The following ZGRF1 variants were observed in gnomAD, a reference collection of about 807,000 sequenced individuals.
ZGRF1 encodes 5'-3' DNA helicase ZGRF1.
Under a neutral mutation model 203.5 loss-of-function variants are expected in ZGRF1, and 196 were observed. The observed-to-expected ratio is 0.96, with a 90% CI of 0.86 to 1.08. The LOEUF (loss-of-function observed/expected upper bound fraction) is 1.08, where lower values mean the gene tolerates loss of function less well. Among genes scored for constraint, ZGRF1 ranks in the 50% least tolerant of loss-of-function variants. The pLI is 0.00. For missense variants in ZGRF1, 2,326 were observed against 2,416.3 expected, an observed-to-expected ratio of 0.96 and a Z score of 0.78; for synonymous variants, 809 against 841.3, an observed-to-expected ratio of 0.96 and a Z score of 0.66.
In ZGRF1 at chr4:112,618,332, T is replaced by C. The variant is rs763782672; in HGVS notation, c.1710A>G (p.Ser570=). The change falls in exon 6 of 28, where the codon TCA becomes TCG. Residue 570 remains serine, a synonymous_variant. Coordinates refer to ENST00000505019, the MANE Select transcript of ZGRF1 (RefSeq NM_018392.5). ...VKDILVNDGN[S]CFQKRSENTN... is the part of the protein sequence containing the mutation. Reference sequence around the variant, plus strand: ...TATTCTCAGACCTCTTTTGAAAACATGAATTGCCATCATTAACCAAAATGT... The same window carrying C: ...TATTCTCAGACCTCTTTTGAAAACACGAATTGCCATCATTAACCAAAATGT... 4 of 1,613,898 alleles carry C rather than the reference T, an allele frequency of 2.5e-6. No individual in the cohort carries two copies. In the South Asian group the frequency reaches 3.3e-5, roughly 13 times the overall value.
rs2046978476 is a variant in ZGRF1 at position 112,619,015 on chromosome 4, C to T, written c.1027G>A (p.Val343Ile). 6.2e-7 allele frequency: 1 copy of T among 1,613,912 alleles called. No homozygotes were observed. The highest frequency in any genetic ancestry group is 1.3e-5 in the African/African-American group (1 of 75,036). Residue 343 changes from valine to isoleucine, a missense_variant, in exon 6 of 28, where the codon GTA becomes ATA. By Grantham distance (29) the Val-to-Ile change is conservative. Coordinates refer to ENST00000505019, the MANE Select transcript of ZGRF1 (RefSeq NM_018392.5). ...SQSSPIHSSTVDGNDTERKPK... is the reference protein window; with the variant it reads ...SQSSPIHSSTIDGNDTERKPK... The stretch of plus-strand genomic sequence containing the variant: ...TTCCTTTCTGTATCATTCCCATCTA[C>T]AGTAGAAGAATGTATAGGTGAACTC...
chr4:112,601,272 G>A (rs1021683612), intron 10 of ZGRF1, among the ~76,000 whole-genome samples: 2 of 151,890 alleles, frequency 1.3e-5, no homozygotes, highest in African/African-American at 2.4e-5. Context: ...CTGGGCAGCC[G>A]GGAGTAGTGG....
At chr4:112,550,427 GAATC>G (rs1210693290) in intron 22 of ZGRF1, among the ~76,000 whole-genome samples, 1 of 151,708 alleles carries the variant, frequency 6.6e-6, no homozygotes, top group Admixed American at 6.6e-5. Flanking sequence ...TATTACAAAA[GAATC>G]AAACAGTTTT....
intron 16 of ZGRF1, among the ~76,000 whole-genome samples, chr4:112,580,879 A>C (rs919223459): frequency 3.2e-4 from 49 of 152,288 alleles, no homozygotes; most frequent in African/African-American, 1.2e-3. Flanking sequence ...GTGATTCCTC[A>C]GGGATCTAGA....
At position 112,612,542 on chromosome 4, in the gene ZGRF1, C is replaced by T; in HGVS notation, c.2649G>A (p.Leu883=). Residue 883 remains leucine, a synonymous_variant, in exon 7 of 28, where the codon CTG becomes CTA. Coordinates refer to ENST00000505019, the MANE Select transcript of ZGRF1 (RefSeq NM_018392.5). ...CCTGTACCTGTTGAGAATCCTTGTG[C>T]AGATGAGGAGACTTTGGTGAAACTA... The part of the protein sequence containing the change: ...ITVVSPKSPH[L]HKDSQQILKE... 1.2e-6 allele frequency: 2 copies of T among 1,605,950 alleles called. No homozygotes were observed. The highest frequency in any genetic ancestry group is 1.7e-5 in the Admixed American group (1 of 59,710).
intron 4 of ZGRF1, among the ~76,000 whole-genome samples, chr4:112,621,979 C>T (rs1439934068): frequency 2.6e-5 from 4 of 151,358 alleles, no homozygotes; most frequent in African/African-American, 9.7e-5. Flanking sequence ...CCGCCTGCCT[C>T]GGCCTCCCAA....
intron 16 of ZGRF1, among the ~76,000 whole-genome samples, chr4:112,578,664 C>A (rs1225475975): frequency 1.6e-5 from 2 of 122,856 alleles, no homozygotes; most frequent in African/African-American, 2.8e-5. Flanking sequence ...TAAACTAGAA[C>A]ATCTAGAAGA....
At chr4:112,623,219 G>C (rs1004100401) in intron 4 of ZGRF1, among the ~76,000 whole-genome samples, 1 of 152,058 alleles carries the variant, frequency 6.6e-6, no homozygotes, top group Admixed American at 6.6e-5. Flanking sequence ...AATATTTCAT[G>C]GTGTATTTCT....
chr4:112,574,602 T>C (rs1409662329), intron 16 of ZGRF1, among the ~76,000 whole-genome samples: 4 of 152,226 alleles, frequency 2.6e-5, no homozygotes, highest in Admixed American at 2.6e-4. Context: ...CACAGATGCT[T>C]ATTGTATTAT....
At chr4:112,547,174 A>C in intron 24 of ZGRF1, 111 bp downstream of exon 24, 1 of 1,105,800 alleles carries the variant, frequency 9.0e-7, no homozygotes, top group Admixed American at 3.0e-5. Context: ...CCAATTATAC[A>C]TTATTTTAAG....
At chr4:112,541,373 G>A (rs1315839587) in intron 24 of ZGRF1, 105 bp from the exon 25 acceptor site, 3 of 499,760 alleles carry the variant, frequency 6.0e-6, no homozygotes, top group South Asian at 1.2e-4. Flanking sequence ...ATGGTCTTAG[G>A]AGATGAATTA....
chr4:112,620,968 G>T (rs879464710), intron 4 of ZGRF1, among the ~76,000 whole-genome samples: 3 of 152,036 alleles, frequency 2.0e-5, no homozygotes, highest in Non-Finnish European at 2.9e-5. Flanking sequence ...GGAGTTTGAG[G>T]CTGTAGTAAG....
At chr4:112,635,246 AC>A (rs2047555756) in intron 1 of ZGRF1, among the ~76,000 whole-genome samples, 1 of 151,024 alleles carries the variant, frequency 6.6e-6, no homozygotes, top group African/African-American at 2.5e-5. Flanking sequence ...CGAGAAAAAC[AC>A]TCCTGGGCTA....
At chr4:112,544,803 G>A (rs1335204264) in intron 24 of ZGRF1, among the ~76,000 whole-genome samples, 1 of 152,138 alleles carries the variant, frequency 6.6e-6, no homozygotes, top group African/African-American at 2.4e-5. Flanking sequence ...AATGACCAAT[G>A]GAAAAGAATA....
chr4:112,599,479 T>C (rs1005527635), intron 10 of ZGRF1, among the ~76,000 whole-genome samples: 1 of 151,794 alleles, frequency 6.6e-6, no homozygotes, highest in African/African-American at 2.4e-5. Flanking sequence ...CCCAGCACTT[T>C]GGAAGACCAA....
intron 24 of ZGRF1, among the ~76,000 whole-genome samples, chr4:112,545,593 G>T (rs1468299987): frequency 6.6e-6 from 1 of 152,102 alleles, no homozygotes; most frequent in Non-Finnish European, 1.5e-5. Flanking sequence ...AAATTTAAAT[G>T]TACAATTATC....
chr4:112,567,631 A>G (rs1311850858), intron 16 of ZGRF1, among the ~76,000 whole-genome samples: 1 of 152,194 alleles, frequency 6.6e-6, no homozygotes, highest in African/African-American at 2.4e-5. Context: ...ATGCACATAC[A>G]TACAAGAAAA....
chr4:112,624,253 T>G (rs541727492), intron 3 of ZGRF1, among the ~76,000 whole-genome samples: 1 of 151,998 alleles, frequency 6.6e-6, no homozygotes, highest in East Asian at 1.9e-4. Flanking sequence ...TGGTGGTTCA[T>G]GCCTGTAATC....
intron 11 of ZGRF1, 147 bp downstream of exon 11, chr4:112,589,577 A>T (rs1416414020): frequency 5.9e-6 from 4 of 672,528 alleles, no homozygotes; most frequent in African/African-American, 5.4e-5. Context: ...TGATAGAAAA[A>T]GTTCAAAGGA....
Sources: gnomAD v4.1 joint callset for allele counts (sites outside exome capture counted in the v4.1 genomes callset) on GRCh38, gnomAD v4.1.1 for gene constraint, MANE v1.5 for transcripts, NCBI Gene and HGNC (gene_info 2026-07-23, HGNC 2026-07-21) for gene names.